Variants in MALRD1 observed in about 807,000 individuals in gnomAD.
The protein encoded by MALRD1 is MAM and LDL-receptor class A domain-containing protein 1.
A neutral mutation model predicts 242.1 loss-of-function variants in MALRD1; 247 were observed. The ratio of observed to expected loss-of-function variants is 1.02; its 90% CI spans 0.92 to 1.13. The LOEUF (loss-of-function observed/expected upper bound fraction) is 1.13, where lower values mean the gene tolerates loss of function less well. MALRD1 is among the 50% of genes most tolerant of loss of function. The pLI is 0.00. For synonymous variants in MALRD1, 995 were observed against 866.6 expected, an observed-to-expected ratio of 1.15 and a Z score of -2.60; for missense variants, 2,989 against 2,533.1, an observed-to-expected ratio of 1.18 and a Z score of -3.86.
At chr10:19,696,303 T>C (rs75175504) in intron 38 of MALRD1, among the ~76,000 whole-genome samples, 3,728 of 152,244 alleles carry the variant, frequency 0.024, 135 homozygotes, top group African/African-American at 0.084. Context: ...TTTTATGAAC[T>C]CAGCAAGATA....
intron 18 of MALRD1, among the ~76,000 whole-genome samples, chr10:19,240,173 T>C (rs138346797): frequency 7.2e-5 from 11 of 152,162 alleles, no homozygotes; most frequent in African/African-American, 2.6e-4. Context: ...TTTCCATCAG[T>C]GTGTTATAGT....
At chr10:19,497,848 G>A (rs923608741) in intron 30 of MALRD1, among the ~76,000 whole-genome samples, 3 of 152,094 alleles carry the variant, frequency 2.0e-5, no homozygotes, top group African/African-American at 7.2e-5. Context: ...TATCATGATG[G>A]CACTTTTCAC....
intron 24 of MALRD1, among the ~76,000 whole-genome samples, chr10:19,334,302 C>T (rs566163400): frequency 1.3e-5 from 2 of 150,782 alleles, no homozygotes; most frequent in South Asian, 4.2e-4. Context: ...TAGGTCTTGC[C>T]TTTAAGTCTT....
intron 2 of MALRD1, among the ~76,000 whole-genome samples, chr10:19,082,985 A>T (rs1835542615): frequency 6.6e-6 from 1 of 152,018 alleles, no homozygotes; most frequent in Non-Finnish European, 1.5e-5. Context: ...GGTTCATAAG[A>T]CAGTACTATC....
chr10:19,581,597 A>C (rs1211457799), intron 33 of MALRD1, among the ~76,000 whole-genome samples: 1 of 147,314 alleles, frequency 6.8e-6, no homozygotes, highest in African/African-American at 2.5e-5. Context: ...TATGTGCCAC[A>C]TTTTCTTAAT....
At chr10:19,623,777 A>G (rs540002422) in intron 36 of MALRD1, among the ~76,000 whole-genome samples, 12 of 152,186 alleles carry the variant, frequency 7.9e-5, no homozygotes, top group African/African-American at 2.9e-4. Context: ...GCCTCCCCTC[A>G]TTAGTGAAGG....
rs190844085 is a variant in MALRD1, at chr10:19,704,233, G to A, written c.6314+11679G>A. Among the ~76,000 whole-genome samples the A allele has an allele frequency of 3.3e-3, 500 of 152,270 alleles. 2 individuals carry two copies. The highest frequency in any genetic ancestry group is 0.012 in the African/African-American group (479 of 41,556). On this transcript the variant is annotated intron_variant, in intron 38 of 39. Coordinates refer to ENST00000454679, the MANE Select transcript of MALRD1 (RefSeq NM_001142308.3). ...AGTAATTTCATAGAATCGTAAGTCA[G>A]TTTGGGCTATTGCAACAAAATACCA...
intron 36 of MALRD1, among the ~76,000 whole-genome samples, chr10:19,652,041 G>A (rs1011915073): frequency 1.0e-3 from 158 of 152,152 alleles, no homozygotes; most frequent in Admixed American, 6.5e-4. Flanking sequence ...GGGCGATACT[G>A]TCTCAGAAGC....
chr10:19,367,683 A>G (rs1034864205), intron 26 of MALRD1, among the ~76,000 whole-genome samples: 1 of 152,152 alleles, frequency 6.6e-6, no homozygotes, highest in Non-Finnish European at 1.5e-5. Flanking sequence ...AGAAACCTCC[A>G]TACTGTTCTT....
At chr10:19,058,850 A>T (rs983612000) in intron 1 of MALRD1, among the ~76,000 whole-genome samples, 5 of 152,154 alleles carry the variant, frequency 3.3e-5, no homozygotes, top group African/African-American at 9.7e-5. Context: ...AAAAATAAAA[A>T]AAGTATGTGC....
chr10:19,345,746 GT>G (rs1159455754), intron 24 of MALRD1, among the ~76,000 whole-genome samples: 1 of 137,618 alleles, frequency 7.3e-6, no homozygotes, highest in Non-Finnish European at 1.6e-5. Context: ...TAGTCTTGAT[GT>G]TTTCTTGAAG....
chr10:19,671,387 G>A (rs373432725), intron 36 of MALRD1, among the ~76,000 whole-genome samples: 1 of 152,260 alleles, frequency 6.6e-6, no homozygotes, highest in African/African-American at 2.4e-5. Context: ...AGAGGCCAAG[G>A]TGGGTGGATC....
chr10:19,498,639 C>T lies in MALRD1; in HGVS notation c.5313C>T (p.His1771=), dbSNP rs1164614693. Residue 1771 remains histidine (H), a synonymous_variant, in exon 31 of 40, where the codon CAC becomes CAT. Coordinates refer to ENST00000454679, the MANE Select transcript of MALRD1 (RefSeq NM_001142308.3). The part of the protein sequence containing the change: ...PAKALIPDSD[H]TPGSGQHFLY... ...AAGCATTAATTCCAGACTCTGATCA[C>T]ACGCCAGGTAAATCTAGTAGCCATC... 2 of 1,549,468 alleles carry T rather than the reference C, an allele frequency of 1.3e-6. No individual in the cohort carries two copies. Among genetic ancestry groups the T allele is most frequent in the East Asian group, 2.4e-5 (1 of 40,906 alleles).
chr10:19,180,614 C>T (rs1835463072), intron 14 of MALRD1, among the ~76,000 whole-genome samples: 1 of 152,178 alleles, frequency 6.6e-6, no homozygotes, highest in South Asian at 2.1e-4. Context: ...AATCATTAAA[C>T]TCCTAGAAGA....
Position 19,087,874 on chromosome 10 carries a change from T to C in MALRD1, c.375T>C (p.Ser125=). 1 of 1,233,392 alleles carries C rather than the reference T, an allele frequency of 8.1e-7. No homozygotes were observed. Among genetic ancestry groups the C allele is most frequent in the Non-Finnish European group, 1.0e-6 (1 of 987,780 alleles). The allele number at this position is 1,233,392 out of a possible 1,614,324, so 76.4% of individuals were successfully genotyped here. The change falls in exon 3 of 40, where the codon TCT becomes TCC. Residue 125 remains serine (S), a synonymous_variant. Transcript: ENST00000454679. ...HFLSLVSRVD[S]ISSSLRSRVF... is the part of the protein sequence containing the mutation. ...TCTCACTGGTTTCCAGAGTGGATTCTATTTCCTCAAGTTTAAGAAGCAGAG... is the reference window on the plus strand; with the variant it reads ...TCTCACTGGTTTCCAGAGTGGATTCCATTTCCTCAAGTTTAAGAAGCAGAG...
intron 10 of MALRD1, among the ~76,000 whole-genome samples, chr10:19,143,970 G>T (rs1833637196): frequency 6.6e-6 from 1 of 152,096 alleles, no homozygotes; most frequent in African/African-American, 2.4e-5. Flanking sequence ...GTTTTATCAA[G>T]AGCCATATCC....
At chr10:19,547,813 TATA>T (rs1564431839) in intron 32 of MALRD1, among the ~76,000 whole-genome samples, 10 of 16,480 alleles carry the variant, frequency 6.1e-4, no homozygotes, top group South Asian at 2.0e-3. Flanking sequence ...TATATATATA[TATA>T]TATTTTTTTT....
At chr10:19,228,127 G>A (rs559637883) in intron 18 of MALRD1, among the ~76,000 whole-genome samples, 81 of 152,178 alleles carry the variant, frequency 5.3e-4, no homozygotes, top group African/African-American at 1.9e-3. Context: ...AAACATATCC[G>A]TACCAAGCCT....
chr10:19,358,598 A>C (rs1008224079), intron 26 of MALRD1, among the ~76,000 whole-genome samples: 9 of 152,192 alleles, frequency 5.9e-5, no homozygotes, highest in African/African-American at 2.2e-4. Context: ...GATGTCAGCT[A>C]ATCTACTTCA....
Sources: gnomAD v4.1 joint callset for allele counts (sites outside exome capture counted in the v4.1 genomes callset) on GRCh38, gnomAD v4.1.1 for gene constraint, MANE v1.5 for transcripts, NCBI Gene and HGNC (gene_info 2026-07-23, HGNC 2026-07-21) for gene names.